STK32B: variants seen among roughly 807,000 people sequenced by gnomAD.
STK32B encodes the protein serine/threonine-protein kinase 32B.
In STK32B, 43 loss-of-function variants were observed where a neutral mutation model predicts 52.6. The ratio of observed to expected loss-of-function variants is 0.82; its 90% confidence interval spans 0.64 to 1.05. The LOEUF (loss-of-function observed/expected upper bound fraction) is 1.05. STK32B is among the 50% of genes least tolerant of loss of function. STK32B has a pLI of 0.00. For synonymous variants in STK32B, 238 were observed against 204.3 expected, an observed-to-expected ratio of 1.17 and a Z score of -1.41; for missense variants, 621 against 534.6, an observed-to-expected ratio of 1.16 and a Z score of -1.59.
intron 3 of STK32B, among the ~76,000 whole-genome samples, chr4:5,238,048 CTA>C: frequency 6.6e-6 from 1 of 152,154 alleles, no homozygotes; most frequent in South Asian, 2.1e-4. Flanking sequence ...CGCTCACATT[CTA>C]TGATTGTGAT....
At chr4:5,393,704 C>A (rs996205214) in intron 4 of STK32B, among the ~76,000 whole-genome samples, 1 of 152,104 alleles carries the variant, frequency 6.6e-6, no homozygotes, top group African/African-American at 2.4e-5. Context: ...GGAGAAACCA[C>A]CCCCATGATC....
chr4:5,306,155 C>T (rs1729913640), intron 3 of STK32B, among the ~76,000 whole-genome samples: 1 of 152,046 alleles, frequency 6.6e-6, no homozygotes, highest in Non-Finnish European at 1.5e-5. Flanking sequence ...GTTCCATGTG[C>T]TGATGAAAAG....
chr4:5,481,797 A>C lies in STK32B; in HGVS notation c.1106+13727A>C, dbSNP rs573161995. On this transcript the variant is annotated intron_variant, in intron 11 of 11. Coordinates refer to ENST00000282908, the MANE Select transcript of STK32B (RefSeq NM_018401.3). ...GGAAGGGATCCAGTTTCGGCTTTCT[A>C]CATATGGCTAGCCAGTTTTCCCAGC... is the stretch of plus-strand genomic sequence containing the variant. Among the ~76,000 whole-genome samples the C allele has an allele frequency of 9.8e-5, 15 of 152,292 alleles. No homozygotes were observed. In the South Asian group the frequency reaches 1.2e-3, roughly 13 times the overall value.
At chr4:5,236,844 T>C (rs1724673953) in intron 3 of STK32B, among the ~76,000 whole-genome samples, 1 of 152,260 alleles carries the variant, frequency 6.6e-6, no homozygotes, top group African/African-American at 2.4e-5. Context: ...AGGGACGTTC[T>C]AGTATGCTTT....
At chr4:5,229,810 T>C (rs57437784) in intron 3 of STK32B, among the ~76,000 whole-genome samples, 7,190 of 152,170 alleles carry the variant, frequency 0.047, 382 homozygotes, top group African/African-American at 0.13. Flanking sequence ...TTTGTGTTTC[T>C]AAGTGAGTAT....
intron 3 of STK32B, among the ~76,000 whole-genome samples, chr4:5,228,953 G>A (rs1048483548): frequency 2.6e-5 from 4 of 151,970 alleles, no homozygotes; most frequent in African/African-American, 9.7e-5. Flanking sequence ...GGTGACAAGT[G>A]CGAAACTCCG....
intron 4 of STK32B, among the ~76,000 whole-genome samples, chr4:5,379,850 G>T (rs538315254): frequency 6.6e-6 from 1 of 152,194 alleles, no homozygotes; most frequent in Admixed American, 6.5e-5. Context: ...CCCCCGGTTC[G>T]TGGTGTTTTG....
intron 4 of STK32B, among the ~76,000 whole-genome samples, chr4:5,332,914 G>C (rs1225283977): frequency 6.6e-6 from 1 of 152,080 alleles, no homozygotes; most frequent in Non-Finnish European, 1.5e-5. Context: ...ATTTGGGTTG[G>C]TTCCAAGTCT....
intron 11 of STK32B, among the ~76,000 whole-genome samples, chr4:5,491,628 G>C (rs1223801350): frequency 2.0e-5 from 3 of 152,076 alleles, no homozygotes; most frequent in Non-Finnish European, 2.9e-5. Context: ...ATTGCTTTTG[G>C]TGTTTTAGAC....
At chr4:5,262,843 T>G (rs1448818428) in intron 3 of STK32B, among the ~76,000 whole-genome samples, 1 of 152,218 alleles carries the variant, frequency 6.6e-6, no homozygotes, top group Non-Finnish European at 1.5e-5. Flanking sequence ...GATGTTCATT[T>G]AATACTCATT....
At chr4:5,145,665 T>G (rs762710911) in intron 2 of STK32B, among the ~76,000 whole-genome samples, 1 of 152,234 alleles carries the variant, frequency 6.6e-6, no homozygotes, top group Non-Finnish European at 1.5e-5. Flanking sequence ...TTTTTGAGAT[T>G]CATTTGTATT....
At chr4:5,025,576 C>A in the STK32B span, among the ~76,000 whole-genome samples, 1 of 152,140 alleles carries the variant, frequency 6.6e-6, no homozygotes, top group Non-Finnish European at 1.5e-5. Flanking sequence ...TCCGAAAGTC[C>A]CCCAGCAGGA....
At chr4:5,033,941 C>T in the STK32B span, among the ~76,000 whole-genome samples, 39 of 152,172 alleles carry the variant, frequency 2.6e-4, no homozygotes, top group Admixed American at 1.2e-3. Flanking sequence ...GTGTACTTCT[C>T]ACAAACTTTC....
chr4:5,307,421 G>A (rs960064730), intron 3 of STK32B, among the ~76,000 whole-genome samples: 1 of 151,922 alleles, frequency 6.6e-6, no homozygotes, highest in Admixed American at 6.6e-5. Context: ...TACTTGTTCA[G>A]TTCTATTTCT....
intron 3 of STK32B, among the ~76,000 whole-genome samples, chr4:5,292,445 A>G (rs115710569): frequency 0.011 from 1,737 of 152,144 alleles, 29 homozygotes; most frequent in South Asian, 0.057. Flanking sequence ...TGTGTTCTTC[A>G]GAGACGTGTC....
At chr4:5,491,055 G>C (rs957616587) in intron 11 of STK32B, among the ~76,000 whole-genome samples, 7 of 152,214 alleles carry the variant, frequency 4.6e-5, no homozygotes, top group African/African-American at 7.2e-5. Context: ...TGTCTTTATA[G>C]CAGCATGATT....
chr4:5,442,624 T>C (rs893560167), intron 6 of STK32B, among the ~76,000 whole-genome samples: 22 of 151,876 alleles, frequency 1.4e-4, no homozygotes, highest in Non-Finnish European at 1.6e-4. Flanking sequence ...AATATTGTTA[T>C]GTGTGAATTT....
Position 5,498,927 on chromosome 4 carries a change from A to C in STK32B, c.1107-18A>C, listed in dbSNP as rs760270799. 5.0e-6 allele frequency: 8 copies of C among 1,608,408 alleles called. No individual in the cohort carries two copies. The Admixed American group carries it at 1.3e-4, about 27-fold the overall frequency. On this transcript the variant is annotated intron_variant, in intron 11 of 11. Transcript: ENST00000282908. ...ACCCCATGCCGCACCACTAACTCAGATCTGTGCTTGTTTGCAGGCTCAGGA... is the reference window on the plus strand; with the variant it reads ...ACCCCATGCCGCACCACTAACTCAGCTCTGTGCTTGTTTGCAGGCTCAGGA...
rs12651560 is a variant in STK32B at position 5,378,291 on chromosome 4, A to G, written c.435-19916A>G. 0.037 allele frequency among the ~76,000 whole-genome samples: 5,605 copies of G among 152,304 alleles called. 145 individuals are homozygous for G. Among genetic ancestry groups the G allele is most frequent in the East Asian group, 0.11 (574 of 5,166 alleles). Reference sequence around the variant, plus strand: ...TGAGCGGGGACAAGGATGACAGTCCATGGTAACGGTTTTCACACTTGAGGC... The same window carrying G: ...TGAGCGGGGACAAGGATGACAGTCCGTGGTAACGGTTTTCACACTTGAGGC... On this transcript the variant is annotated intron_variant, in intron 4 of 11. Transcript: ENST00000282908. This position sits in a 1 kb window ranked among gnomAD's most constrained non-coding sequence, Gnocchi z 4.4.
Sources: gnomAD v4.1 joint callset for allele counts (sites outside exome capture counted in the v4.1 genomes callset) on GRCh38, gnomAD v4.1.1 for gene constraint, Gnocchi (gnomAD v3.1) non-coding constraint, MANE v1.5 for transcripts, NCBI Gene and HGNC (gene_info 2026-07-23, HGNC 2026-07-21) for gene names.